Variants in GLB1 observed in about 807,000 individuals in gnomAD.
GLB1 encodes beta-galactosidase.
GLB1 carries 56 observed loss-of-function variants against 74.0 expected under a neutral mutation model. That is an observed-to-expected ratio of 0.76 (90% CI 0.61 to 0.94). The LOEUF is 0.94. Among genes scored for constraint, GLB1 ranks in the 40% least tolerant of loss-of-function variants. The pLI, the probability that GLB1 is intolerant of heterozygous loss-of-function variation, is 0.00. For synonymous variants in GLB1, 323 were observed against 323.6 expected (o/e 1.00, Z 0.02); for missense variants, 787 against 845.5 (o/e 0.93, Z 0.86).
intron 15 of GLB1, among the ~76,000 whole-genome samples, chr3:33,008,831 T>A (rs1197980041): frequency 6.6e-5 from 10 of 152,008 alleles, no homozygotes; most frequent in African/African-American, 2.2e-4. Context: ...TAAAAAAAGA[T>A]CGTGGTGGCC....
chr3:32,992,130 A>T (rs115338863), downstream of GLB1, among the ~76,000 whole-genome samples: 469 of 152,316 alleles, frequency 3.1e-3, 4 homozygotes, highest in African/African-American at 0.01. Flanking sequence ...CTGGATGTCG[A>T]GTCTTTTCCG....
chr3:33,073,720 C>A (rs72856159), intron 1 of GLB1, among the ~76,000 whole-genome samples: 2,830 of 151,554 alleles, frequency 0.019, 70 homozygotes, highest in African/African-American at 0.065. Context: ...AAATAAAAAT[C>A]AAAGAATAGC....
intron 1 of GLB1, chr3:33,091,306 A>C (rs1700750056): frequency 1.0e-6 from 1 of 985,310 alleles, no homozygotes; most frequent in Admixed American, 6.1e-5. Flanking sequence ...CAGATCCCCC[A>C]GAACCCCACT....
intron 2 of GLB1, 124 bp from the exon 3 acceptor site, chr3:33,069,094 G>GA (rs545428017): frequency 1.2e-5 from 18 of 1,528,790 alleles, no homozygotes; most frequent in South Asian, 9.3e-5. Flanking sequence ...CGCTTTGAAA[G>GA]AAAAATTATC....
intron 10 of GLB1, among the ~76,000 whole-genome samples, chr3:33,037,266 G>A (rs1001029097): frequency 2.6e-5 from 4 of 151,860 alleles, no homozygotes; most frequent in African/African-American, 7.3e-5. Flanking sequence ...GGCTGGTCTC[G>A]AACTCCTGAC....
In GLB1 at chr3:33,024,295, G is replaced by A. The variant is rs1697636883; in HGVS notation, c.1099C>T (p.Pro367Ser). 1 of 1,570,420 alleles carries A rather than the reference G, an allele frequency of 6.4e-7. No homozygotes were observed. The highest frequency in any genetic ancestry group is 1.1e-5 in the South Asian group (1 of 88,806). The change falls in exon 11 of 16, where the codon CCA becomes TCA. Residue 367 changes from proline (P) to serine (S), a missense_variant. Pro to Ser is a moderately conservative substitution (Grantham distance 74). Transcript: ENST00000307363. ...CCATATGCAAACTTTGGTGTAGATG[G>A]AGGGATAGGACCTTCTGGTACTTTT... ...FEKVPEGPIP[P>S]STPKFAYGKV...
At chr3:33,056,379 A>G (rs1699223184) in intron 6 of GLB1, among the ~76,000 whole-genome samples, 2 of 151,080 alleles carry the variant, frequency 1.3e-5, no homozygotes, top group African/African-American at 4.9e-5. Flanking sequence ...CAGGGTCTTT[A>G]TGCTACTCAA....
chr3:33,064,776 C>CAAAAAAAAAAAAAA (rs36181668), intron 5 of GLB1, among the ~76,000 whole-genome samples: 1 of 64,558 alleles, frequency 1.5e-5, no homozygotes, highest in Non-Finnish European at 2.7e-5. Flanking sequence ...GACTCTCTCT[C>CAAAAAAAAAAAAAA]AAAAAAAAAA....
chr3:32,990,260 C>T, the GLB1 span, among the ~76,000 whole-genome samples: 25 of 152,288 alleles, frequency 1.6e-4, 1 homozygote, highest in South Asian at 3.1e-3. Context: ...TATTCTTCAC[C>T]TGGCTCAACT....
chr3:33,051,945 G>C lies in GLB1; in HGVS notation c.852C>G (p.Ile284Met). Residue 284 changes from isoleucine (I) to methionine (M), a missense_variant, in exon 8 of 16, where the codon ATC becomes ATG. Physicochemically the swap from Ile to Met is conservative, Grantham distance 10. Transcript: ENST00000307363. The part of the protein sequence containing the change: ...LDHWGQPHST[I>M]KTEAVASSLY... The stretch of plus-strand genomic sequence containing the variant: ...GGGAGGAAGCCACTGCTTCGGTCTT[G>C]ATTGTGGAGTGAGGTTGGCCCCAGT... The C allele has an allele frequency of 6.2e-7, 1 of 1,614,228 alleles. No individual in the cohort carries two copies. The highest frequency in any genetic ancestry group is 1.3e-5 in the African/African-American group (1 of 75,046).
chr3:33,096,602 C>T, intron 1 of GLB1: 1 of 1,050,704 alleles, frequency 9.5e-7, no homozygotes, highest in Non-Finnish European at 1.1e-6. Context: ...CGGAGCGCTC[C>T]GCAGAGCACC....
intron 6 of GLB1, 70 bp downstream of exon 6, chr3:33,058,019 G>C: frequency 6.3e-7 from 1 of 1,591,212 alleles, no homozygotes; most frequent in Non-Finnish European, 8.6e-7. Context: ...TATAACAACA[G>C]CTGCCCAGAG....
chr3:33,037,947 G>C (rs973477135), intron 10 of GLB1: 4 of 126,054 alleles, frequency 3.2e-5, no homozygotes, highest in Non-Finnish European at 6.3e-5. Context: ...CAACACTCAA[G>C]TTTTGTTCTG....
the GLB1 span, among the ~76,000 whole-genome samples, chr3:32,985,201 A>G: frequency 6.7e-6 from 1 of 149,802 alleles, no homozygotes; most frequent in East Asian, 2.0e-4. Context: ...ACGATGGAGG[A>G]TTTGTCAGTT....
intron 5 of GLB1, among the ~76,000 whole-genome samples, chr3:33,060,746 T>TA (rs1215960105): frequency 6.6e-6 from 1 of 152,240 alleles, no homozygotes; most frequent in Non-Finnish European, 1.5e-5. Flanking sequence ...CGAGGCAGCT[T>TA]AGAGTTCTAG....
the GLB1 span, among the ~76,000 whole-genome samples, chr3:32,987,418 C>T: frequency 6.6e-6 from 1 of 152,198 alleles, no homozygotes; most frequent in Admixed American, 6.5e-5. Flanking sequence ...CTCTCTTGCC[C>T]TGCACCCTTC....
At chr3:33,057,960 G>T in intron 6 of GLB1, 129 bp downstream of exon 6, 1 of 1,268,788 alleles carries the variant, frequency 7.9e-7, no homozygotes, top group Non-Finnish European at 1.1e-6. Flanking sequence ...TATTCTACCT[G>T]TTCCTTGAAA....
intron 1 of GLB1, among the ~76,000 whole-genome samples, chr3:33,080,038 G>A (rs72856173): frequency 6.6e-6 from 1 of 151,614 alleles, no homozygotes; most frequent in Non-Finnish European, 1.5e-5. Flanking sequence ...CCCACCTCAC[G>A]ATCGCAAAGT....
the GLB1 span, among the ~76,000 whole-genome samples, chr3:32,970,658 T>C: frequency 1.3e-5 from 2 of 152,178 alleles, no homozygotes; most frequent in Non-Finnish European, 2.9e-5. Context: ...GTGTCACACG[T>C]TGGATTCACC....
Sources: gnomAD v4.1 joint callset for allele counts (sites outside exome capture counted in the v4.1 genomes callset) on GRCh38, gnomAD v4.1.1 for gene constraint, MANE v1.5 for transcripts, NCBI Gene and HGNC (gene_info 2026-07-23, HGNC 2026-07-21) for gene names.